ANKUB1: variants seen among roughly 807,000 people sequenced by gnomAD.
ANKUB1 encodes protein ANKUB1.
ANKUB1 carries 42 observed loss-of-function variants against 49.3 expected under a neutral mutation model. That is an observed-to-expected ratio of 0.85 (90% CI 0.67 to 1.10). The LOEUF (loss-of-function observed/expected upper bound fraction) is 1.10. Ranked by LOEUF, ANKUB1 falls within the 50% of genes least tolerant of loss-of-function variation. The pLI, the probability that ANKUB1 is intolerant of heterozygous loss-of-function variation, is 0.00. For synonymous variants in ANKUB1, 222 were observed against 231.0 expected (o/e 0.96, Z 0.35); for missense variants, 613 against 642.0 (o/e 0.95, Z 0.49).
intron 1 of ANKUB1, 143 bp from the exon 2 acceptor site, chr3:149,791,067 T>A: frequency 1.4e-6 from 1 of 730,564 alleles, no homozygotes; most frequent in South Asian, 2.8e-5. Flanking sequence ...TAGGGGTTCT[T>A]AACTTAGAGA....
intron 4 of ANKUB1, among the ~76,000 whole-genome samples, chr3:149,770,183 CTG>C (rs1717278542): frequency 6.6e-6 from 1 of 152,180 alleles, no homozygotes; most frequent in East Asian, 1.9e-4. Context: ...TGTTAATTGA[CTG>C]TGTTATCAGT....
At chr3:149,768,740 G>A (rs964982242) in intron 4 of ANKUB1, among the ~76,000 whole-genome samples, 4 of 151,958 alleles carry the variant, frequency 2.6e-5, no homozygotes, top group East Asian at 3.9e-4. Flanking sequence ...CAGGAATTTC[G>A]CTACGTTGGC....
chr3:149,776,804 TACAC>T (rs35734266), intron 3 of ANKUB1, among the ~76,000 whole-genome samples: 222 of 149,600 alleles, frequency 1.5e-3, no homozygotes, highest in African/African-American at 5.2e-3. Context: ...CTATAAAAAA[TACAC>T]ACACACACAC....
chr3:149,788,731 G>A (rs181262253), intron 2 of ANKUB1, among the ~76,000 whole-genome samples: 53 of 152,108 alleles, frequency 3.5e-4, no homozygotes, highest in Admixed American at 5.2e-4. Context: ...CATCTGGGGA[G>A]GGAAACTGGG....
intron 5 of ANKUB1, among the ~76,000 whole-genome samples, chr3:149,764,600 CTCCCTCCCTCCCTCCT>C (rs1716924225): frequency 1.5e-3 from 195 of 129,184 alleles, no homozygotes; most frequent in South Asian, 2.4e-3. Context: ...CCCTTCCTTC[CTCCCTCCCTCCCTCCT>C]CTCCTCCCTT....
intron 2 of ANKUB1, among the ~76,000 whole-genome samples, chr3:149,786,014 A>G (rs934729592): frequency 2.7e-5 from 4 of 148,290 alleles, no homozygotes; most frequent in African/African-American, 9.8e-5. Context: ...ATGGCCAGTG[A>G]TGATGAGCTT....
chr3:149,766,071 T>C (rs180996232), intron 5 of ANKUB1, among the ~76,000 whole-genome samples: 21 of 152,330 alleles, frequency 1.4e-4, no homozygotes, highest in African/African-American at 5.0e-4. Context: ...CGCTTGTAAA[T>C]CTATATTTCT....
At chr3:149,781,960 T>C (rs552617761) in intron 2 of ANKUB1, among the ~76,000 whole-genome samples, 1 of 152,202 alleles carries the variant, frequency 6.6e-6, no homozygotes, top group Non-Finnish European at 1.5e-5. Context: ...GGACATAGGA[T>C]TGACTCTTTC....
chr3:149,780,588 C>A, intron 2 of ANKUB1, 133 bp from the exon 3 acceptor site: 1 of 665,044 alleles, frequency 1.5e-6, no homozygotes, highest in Admixed American at 2.6e-5. Context: ...CAGTTGAGTT[C>A]TCTGCCTTCT....
Position 149,761,235 on chromosome 3 carries a change from G to T in ANKUB1, c.*249C>A. ...TCCATTGTCTCAGCTCCCCTACCCTGTGGACAACTACTATTCTAAGTTTCT... is the reference window on the plus strand; with the variant it reads ...TCCATTGTCTCAGCTCCCCTACCCTTTGGACAACTACTATTCTAAGTTTCT... On this transcript the variant is annotated 3_prime_UTR_variant, in exon 6 of 6. Transcript: ENST00000446160. 3.1e-6 allele frequency: 1 copy of T among 324,780 alleles called. No homozygotes were observed. The highest frequency in any genetic ancestry group is 5.6e-6 in the Non-Finnish European group (1 of 179,508). 20.1% of individuals were successfully genotyped at this position (324,780 alleles called of 1,614,324 possible).
intron 3 of ANKUB1, chr3:149,779,752 C>G (rs6775641): frequency 6.3e-6 from 1 of 157,530 alleles, no homozygotes; most frequent in African/African-American, 2.4e-5. Flanking sequence ...GATGAAGTGG[C>G]CTGAGTTTTG....
Position 149,767,293 on chromosome 3 carries a change from C to T in ANKUB1, c.1369G>A (p.Val457Met), listed in dbSNP as rs543766609. 33 of 1,551,620 alleles carry T rather than the reference C, an allele frequency of 2.1e-5. No homozygotes were observed. In the South Asian group the frequency reaches 3.5e-4, roughly 16 times the overall value. The change falls in exon 5 of 6, where the codon GTG becomes ATG. Residue 457 changes from valine to methionine, a missense_variant. Coordinates refer to ENST00000446160, the MANE Select transcript of ANKUB1 (RefSeq NM_001144960.3). ...PQVPLPPVSR[V>M]GYSHPSFFYA... ...AAAAACGATGGATGTGAATATCCCA[C>T]TCTTGAAACTGGAGGGAGGGGGACT...
At chr3:149,761,763 C>T in intron 5 of ANKUB1, 150 bp from the exon 6 acceptor site, 1 of 880,620 alleles carries the variant, frequency 1.1e-6, no homozygotes, top group Non-Finnish European at 1.6e-6. Flanking sequence ...AGTAATCTTT[C>T]TAAAACAAGT....
intron 5 of ANKUB1, among the ~76,000 whole-genome samples, chr3:149,764,635 C>A (rs1265660889): frequency 1.7e-5 from 1 of 58,276 alleles, no homozygotes; most frequent in Non-Finnish European, 3.5e-5. Context: ...TTCCTCCCTT[C>A]CTCTCTCTTT....
Position 149,786,914 on chromosome 3 carries a change from C to T in ANKUB1, c.234+3867G>A, listed in dbSNP as rs573368417. Among the ~76,000 whole-genome samples the T allele has an allele frequency of 3.4e-4, 52 of 152,226 alleles. No homozygotes were observed. In the East Asian group the frequency reaches 9.8e-3, roughly 29 times the overall value. ...GTGATATTATTTCTGAGGGCTCTGT[C>T]TTGTTCCATTGGTCTATATATCTGT... is the stretch of plus-strand genomic sequence containing the variant. On this transcript the variant is annotated intron_variant, in intron 2 of 5. Transcript: ENST00000446160.
At position 149,767,598 on chromosome 3, in the gene ANKUB1, G is replaced by A. The variant is rs1273166145; in HGVS notation, c.1064C>T (p.Pro355Leu). Reference protein sequence around the residue: ...DTVMVDGFTKPKMTSKSWHKA... With the variant: ...DTVMVDGFTKLKMTSKSWHKA... ...ATGCCAGCTCTTGGAGGTCATTTTT[G>A]GTTTGGTGAAACCATCCACCATCAC... Residue 355 changes from proline (P) to leucine (L), a missense_variant, in exon 5 of 6, where the codon CCA becomes CTA. Transcript: ENST00000446160. 1.9e-6 allele frequency: 3 copies of A among 1,551,624 alleles called. No homozygotes were observed. Among genetic ancestry groups the A allele is most frequent in the Non-Finnish European group, 1.7e-6 (2 of 1,146,972 alleles).
intron 5 of ANKUB1, chr3:149,766,851 AGC>A (rs1405740444): frequency 1.7e-6 from 2 of 1,173,572 alleles, no homozygotes; most frequent in Non-Finnish European, 2.4e-6. Flanking sequence ...CAGCAGCAGC[AGC>A]AGCAGCAGCA....
chr3:149,782,393 A>G (rs1717909959), intron 2 of ANKUB1, among the ~76,000 whole-genome samples: 3 of 151,858 alleles, frequency 2.0e-5, no homozygotes, highest in Admixed American at 1.3e-4. Flanking sequence ...CTCTCAAGTC[A>G]CTCTTAAGTT....
At chr3:149,768,202 TCTTAA>T (rs1717157605) in intron 4 of ANKUB1, 107 bp from the exon 5 acceptor site, 1 of 853,972 alleles carries the variant, frequency 1.2e-6, no homozygotes, top group East Asian at 2.9e-5. Flanking sequence ...GTTTATTTCT[TCTTAA>T]CTTTTACCTT....
Sources: gnomAD v4.1 joint callset for allele counts (sites outside exome capture counted in the v4.1 genomes callset) on GRCh38, gnomAD v4.1.1 for gene constraint, MANE v1.5 for transcripts, NCBI Gene and HGNC (gene_info 2026-07-23, HGNC 2026-07-21) for gene names.